Variants in NAA60 observed in about 807,000 individuals in gnomAD.
The protein encoded by NAA60 is N-alpha-acetyltransferase 60.
A neutral mutation model predicts 26.1 loss-of-function variants in NAA60; 8 were observed. That is an observed-to-expected ratio of 0.31 (90% confidence interval 0.18 to 0.55). NAA60 has a LOEUF of 0.55. Ranked by LOEUF, NAA60 falls within the 20% of genes least tolerant of loss-of-function variation. The pLI, the probability that NAA60 is intolerant of heterozygous loss-of-function variation, is 0.93. For missense variants in NAA60, 290 were observed against 311.3 expected, an observed-to-expected ratio of 0.93 and a Z score of 0.51; for synonymous variants, 131 against 122.5, an observed-to-expected ratio of 1.07 and a Z score of -0.46.
intron 4 of NAA60, 115 bp downstream of exon 4, chr16:3,479,715 C>A: frequency 1.7e-6 from 2 of 1,200,688 alleles, no homozygotes; most frequent in South Asian, 1.5e-5. Context: ...AGCCTGTGAC[C>A]CAAGGAATCC....
chr16:3,458,116 C>T (rs906502075), intron 2 of NAA60: 15 of 985,280 alleles, frequency 1.5e-5, no homozygotes, highest in African/African-American at 8.7e-5. Flanking sequence ...CACTTCCCGG[C>T]TCCCTTCGCC....
intron 3 of NAA60, among the ~76,000 whole-genome samples, chr16:3,478,469 G>A (rs530045836): frequency 2.0e-4 from 31 of 152,226 alleles, no homozygotes; most frequent in African/African-American, 7.5e-4. Flanking sequence ...GACATGAACC[G>A]GGCTGTGAGG....
chr16:3,452,973 T>G (rs948888518), intron 2 of NAA60, among the ~76,000 whole-genome samples: 3 of 151,952 alleles, frequency 2.0e-5, no homozygotes, highest in African/African-American at 7.3e-5. Flanking sequence ...TAAAAAAGAC[T>G]AATCCCCTAT....
At chr16:3,459,563 T>C (rs1227698778) in intron 2 of NAA60, among the ~76,000 whole-genome samples, 1 of 152,188 alleles carries the variant, frequency 6.6e-6, no homozygotes, top group African/African-American at 2.4e-5. Context: ...TCCCTTCTTG[T>C]GGGATTTTCT....
intron 2 of NAA60, among the ~76,000 whole-genome samples, chr16:3,459,723 TATC>T (rs1480858405): frequency 6.6e-6 from 1 of 152,084 alleles, no homozygotes; most frequent in Non-Finnish European, 1.5e-5. Flanking sequence ...CATGGTCTGG[TATC>T]AGCATGCCAG....
chr16:3,471,329 A>G (rs1019919141), intron 2 of NAA60, among the ~76,000 whole-genome samples: 1 of 151,942 alleles, frequency 6.6e-6, no homozygotes, highest in African/African-American at 2.4e-5. Flanking sequence ...GTGAAACCCC[A>G]TCTCTACTAA....
intron 3 of NAA60, among the ~76,000 whole-genome samples, chr16:3,477,488 C>T (rs1053393349): frequency 1.3e-5 from 2 of 152,174 alleles, no homozygotes; most frequent in African/African-American, 4.8e-5. Context: ...TGTGGGCTGG[C>T]GGTGGCAACA....
intron 1 of NAA60, 54 bp from the exon 2 acceptor site, chr16:3,448,417 A>C: frequency 5.6e-6 from 8 of 1,432,666 alleles, no homozygotes; most frequent in African/African-American, 1.4e-5. Context: ...TATGAGTTGT[A>C]GAGATGGGAT....
At chr16:3,478,712 A>T (rs1222286862) in intron 3 of NAA60, among the ~76,000 whole-genome samples, 1 of 152,088 alleles carries the variant, frequency 6.6e-6, no homozygotes, top group Non-Finnish European at 1.5e-5. Flanking sequence ...CCTGTCAGGG[A>T]AGGCATTGTA....
At chr16:3,448,273 CAAAAA>C (rs34119288) in intron 1 of NAA60, among the ~76,000 whole-genome samples, 193 bp from the exon 2 acceptor site, 2 of 118,710 alleles carry the variant, frequency 1.7e-5, no homozygotes, top group Admixed American at 8.7e-5. Flanking sequence ...GACCTTGTCT[CAAAAA>C]AAAAAAAAAA....
At chr16:3,458,974 C>T (rs2035195288) in intron 2 of NAA60, among the ~76,000 whole-genome samples, 1 of 152,198 alleles carries the variant, frequency 6.6e-6, no homozygotes, top group African/African-American at 2.4e-5. Context: ...AGGGTCTGGA[C>T]ATCAGGCAAG....
At chr16:3,450,827 A>G (rs1304167728) in intron 2 of NAA60, among the ~76,000 whole-genome samples, 1 of 151,900 alleles carries the variant, frequency 6.6e-6, no homozygotes, top group Non-Finnish European at 1.5e-5. Flanking sequence ...CAGGGCAGCC[A>G]GTGGAGAGAG....
rs540530936 is a variant in NAA60, at chr16:3,473,566, G to A, written c.-6-2656G>A. Among the ~76,000 whole-genome samples the A allele has an allele frequency of 2.0e-5, 3 of 152,288 alleles. No individual in the cohort carries two copies. In the South Asian group the frequency reaches 6.2e-4, roughly 32 times the overall value. On this transcript the variant is annotated intron_variant, in intron 2 of 7. Coordinates refer to ENST00000407558, the MANE Select transcript of NAA60 (RefSeq NM_001083601.3). The stretch of plus-strand genomic sequence containing the variant: ...TACAATTCAAGATGAGATTTGGGGA[G>A]GGACAGAGCCAAACCATATCATAGT...
At chr16:3,480,193 C>G (rs2036737779) in intron 4 of NAA60, among the ~76,000 whole-genome samples, 3 of 152,130 alleles carry the variant, frequency 2.0e-5, no homozygotes, top group Admixed American at 2.0e-4. Context: ...TGTTGGTCAT[C>G]CCAGCATCTG....
At chr16:3,459,839 C>G (rs1278781198) in intron 2 of NAA60, among the ~76,000 whole-genome samples, 1 of 152,168 alleles carries the variant, frequency 6.6e-6, no homozygotes, top group African/African-American at 2.4e-5. Flanking sequence ...TTGTTTTGAC[C>G]AGGCCGGGAC....
Position 3,485,904 on chromosome 16 carries a change from A to C in NAA60, c.*644A>C, listed in dbSNP as rs1405474680. ...AGCCCCCTGGCACAGGCGGTCACGCATCAGGACGGTTCCTACTCCTCAGCA... is the reference window on the plus strand; with the variant it reads ...AGCCCCCTGGCACAGGCGGTCACGCCTCAGGACGGTTCCTACTCCTCAGCA... On this transcript the variant is annotated 3_prime_UTR_variant, in exon 8 of 8. Coordinates refer to ENST00000407558, the MANE Select transcript of NAA60 (RefSeq NM_001083601.3). 5.7e-6 allele frequency: 2 copies of C among 353,220 alleles called. No homozygotes were observed. The highest frequency in any genetic ancestry group is 4.2e-5 in the South Asian group (2 of 47,762). 21.9% of individuals were successfully genotyped at this position (353,220 alleles called of 1,614,324 possible).
intron 5 of NAA60, 32 bp from the exon 6 acceptor site, chr16:3,483,331 T>G: frequency 6.6e-7 from 1 of 1,511,410 alleles, no homozygotes; most frequent in Non-Finnish European, 9.1e-7. Context: ...CTAACTGCTC[T>G]GCCTGCATTA....
At chr16:3,443,907 C>CG in intron 1 of NAA60, 70 bp downstream of exon 1, 1 of 1,468,950 alleles carries the variant, frequency 6.8e-7, no homozygotes, top group South Asian at 1.4e-5. Context: ...ATTGAGAGGG[C>CG]GGGGGTTCGG....
At chr16:3,465,032 C>T (rs1441594823) in intron 2 of NAA60, among the ~76,000 whole-genome samples, 1 of 152,158 alleles carries the variant, frequency 6.6e-6, no homozygotes, top group African/African-American at 2.4e-5. Flanking sequence ...CTTTGGGAGT[C>T]TGAGGCGGGT....
Sources: gnomAD v4.1 joint callset for allele counts (sites outside exome capture counted in the v4.1 genomes callset) on GRCh38, gnomAD v4.1.1 for gene constraint, MANE v1.5 for transcripts, NCBI Gene and HGNC (gene_info 2026-07-23, HGNC 2026-07-21) for gene names.